Variants in EIF4ENIF1 observed in about 807,000 individuals in gnomAD.
EIF4ENIF1 encodes the protein eukaryotic translation initiation factor 4E nuclear import factor 1.
EIF4ENIF1 carries 23 observed loss-of-function variants against 110.5 expected under a neutral mutation model. The observed-to-expected ratio is 0.21, with a 90% confidence interval of 0.15 to 0.29. EIF4ENIF1 has a LOEUF of 0.29. Among genes scored for constraint, EIF4ENIF1 ranks in the 10% least tolerant of loss-of-function variants. EIF4ENIF1 has a pLI of 1.00. For missense variants in EIF4ENIF1, 1,031 were observed against 1,221.1 expected, an observed-to-expected ratio of 0.84 and a Z score of 2.32; for synonymous variants, 440 against 437.0, an observed-to-expected ratio of 1.01 and a Z score of -0.09.
chr22:31,463,651 TA>T (rs71319194), intron 5 of EIF4ENIF1, 29 bp downstream of exon 5: 227,076 of 1,284,774 alleles, frequency 0.18, 8 homozygotes, highest in East Asian at 0.21. Flanking sequence ...CGTCTCAATT[TA>T]AAAAAAAAAA....
intron 10 of EIF4ENIF1, chr22:31,450,843 C>CACA (rs1569073447): frequency 0.012 from 1,170 of 96,794 alleles, 6 homozygotes; most frequent in African/African-American, 0.021. Flanking sequence ...TATATATATA[C>CACA]TACACACACA....
chr22:31,473,189 G>A (rs2051449482), intron 2 of EIF4ENIF1, among the ~76,000 whole-genome samples: 1 of 151,678 alleles, frequency 6.6e-6, no homozygotes, highest in Non-Finnish European at 1.5e-5. Context: ...AGCTCCATGA[G>A]AGAATTTAGC....
At position 31,455,412 on chromosome 22, in the gene EIF4ENIF1, T is replaced by A. The variant is rs1233630579; in HGVS notation, c.1100-97A>T. 4 of 1,068,606 alleles carry A rather than the reference T, an allele frequency of 3.7e-6. No homozygotes were observed. In the East Asian group the frequency reaches 1.3e-4, roughly 34 times the overall value. 66.2% of individuals were successfully genotyped at this position (1,068,606 alleles called of 1,614,324 possible). A position where few individuals can be genotyped will look rare whatever the true frequency, so the allele number is the denominator to read the frequency against. On this transcript the variant is annotated intron_variant, in intron 8 of 18. Coordinates refer to ENST00000330125, the MANE Select transcript of EIF4ENIF1 (RefSeq NM_019843.4). ...CTTTCTTTCTTTTTTTTTTTTTTTT[T>A]CTTTGAGATGGAGTTTCGCTTTTTC...
intron 1 of EIF4ENIF1, chr22:31,489,297 T>G (rs2052168215): frequency 6.5e-6 from 1 of 152,848 alleles, no homozygotes; most frequent in African/African-American, 2.4e-5. Context: ...GCTCCGAAAC[T>G]TGGCTTCCCC....
At chr22:31,468,380 C>T (rs534228780) in intron 3 of EIF4ENIF1, 78 bp from the exon 4 acceptor site, 6 of 1,582,632 alleles carry the variant, frequency 3.8e-6, no homozygotes, top group Non-Finnish European at 5.2e-6. Context: ...ACCTCCTCAG[C>T]TAATAGTTAT....
intron 10 of EIF4ENIF1, chr22:31,451,297 CAG>C (rs1291373832): frequency 6.6e-6 from 1 of 152,030 alleles, no homozygotes; most frequent in East Asian, 2.0e-4. Flanking sequence ...TTTTTTGAGA[CAG>C]AGTCTTGCTC....
intron 6 of EIF4ENIF1, among the ~76,000 whole-genome samples, chr22:31,460,411 A>G (rs1026374626): frequency 3.3e-5 from 5 of 152,140 alleles, no homozygotes; most frequent in African/African-American, 1.2e-4. Context: ...AGGCAGGTGG[A>G]TCATGAGGTC....
At chr22:31,459,432 T>C (rs898034031) in intron 6 of EIF4ENIF1, among the ~76,000 whole-genome samples, 1 of 152,202 alleles carries the variant, frequency 6.6e-6, no homozygotes, top group Non-Finnish European at 1.5e-5. Flanking sequence ...AGGTTGGTTG[T>C]TGTAGCTCAT....
In EIF4ENIF1 at chr22:31,444,653, G is replaced by A; in HGVS notation, c.2026C>T (p.Arg676Ter). The A allele has an allele frequency of 6.2e-7, 1 of 1,614,084 alleles. No individual in the cohort carries two copies. The highest frequency in any genetic ancestry group is 8.5e-7 in the Non-Finnish European group (1 of 1,179,984). The change falls in exon 15 of 19, where the codon CGA becomes TGA. Residue 676 changes from arginine to a stop codon, truncating the protein, a stop_gained. Transcript: ENST00000330125. LOFTEE classifies it high-confidence loss of function. ...GGGGCAGGGGAAGAGGAATTCCCTCGATGCACGGGTGCTGGTGACTTGGTC... is the reference window on the plus strand; with the variant it reads ...GGGGCAGGGGAAGAGGAATTCCCTCAATGCACGGGTGCTGGTGACTTGGTC... Reference protein sequence around the residue: ...RVTKSPAPVHRGNSSSPAPAA... With the variant: ...RVTKSPAPVH
At chr22:31,440,246 A>C in intron 18 of EIF4ENIF1, 125 bp from the exon 19 acceptor site, 1 of 1,359,460 alleles carries the variant, frequency 7.4e-7, no homozygotes. Context: ...TTCTTTAGAA[A>C]CTCCTTTGCA....
intron 14 of EIF4ENIF1, among the ~76,000 whole-genome samples, chr22:31,446,695 G>A (rs745682379): frequency 1.3e-5 from 2 of 152,128 alleles, no homozygotes; most frequent in Non-Finnish European, 2.9e-5. Context: ...AGGAAAAGGG[G>A]TATTACTGGC....
At position 31,448,188 on chromosome 22, in the gene EIF4ENIF1, C is replaced by G; in HGVS notation, c.1813G>C (p.Gly605Arg). The G allele has an allele frequency of 6.2e-7, 1 of 1,614,172 alleles. No individual in the cohort carries two copies. Among genetic ancestry groups the G allele is most frequent in the Non-Finnish European group, 8.5e-7 (1 of 1,180,022 alleles). Reference sequence around the variant, plus strand: ...ATGGGGCTCATGGGTTTGCGCATGCCTTGGAATGGATCTCCGAGTAGCTGC... The same window carrying G: ...ATGGGGCTCATGGGTTTGCGCATGCGTTGGAATGGATCTCCGAGTAGCTGC... ...PQQLLGDPFQGMRKPMSPITA... is the reference protein window; with the variant it reads ...PQQLLGDPFQRMRKPMSPITA... The change falls in exon 13 of 19, where the codon GGC becomes CGC. Residue 605 changes from glycine to arginine, a missense_variant. Transcript: ENST00000330125.
Position 31,439,940 on chromosome 22 carries a change from T to A in EIF4ENIF1, c.2898A>T (p.Gln966His). The A allele has an allele frequency of 6.2e-7, 1 of 1,614,094 alleles. No individual in the cohort carries two copies. The highest frequency in any genetic ancestry group is 8.5e-7 in the Non-Finnish European group (1 of 1,180,008). Residue 966 changes from glutamine (Q) to histidine (H), a missense_variant, in exon 19 of 19, where the codon CAA (glutamine) becomes CAT (histidine). Physicochemically the swap from Gln to His is conservative, Grantham distance 24. This residue lies in a region of EIF4ENIF1 where 18 missense variants were observed against 42.3 expected (regional missense o/e 0.43). Coordinates refer to ENST00000330125, the MANE Select transcript of EIF4ENIF1 (RefSeq NM_019843.4). ...CTTTGGCGGGCATGGAGGGCAGGGG[T>A]TGCTGTAGCACATCTGAGCCAAACC... ...AKWFGSDVLQ[Q>H]PLPSMPAKVI...
At chr22:31,486,720 T>C (rs1167709825) in intron 2 of EIF4ENIF1, among the ~76,000 whole-genome samples, 1 of 151,330 alleles carries the variant, frequency 6.6e-6, no homozygotes, top group Admixed American at 6.6e-5. Flanking sequence ...CAGAGGCTAG[T>C]GAATCAAGAT....
chr22:31,486,757 C>T (rs955603508), intron 2 of EIF4ENIF1, among the ~76,000 whole-genome samples: 2 of 151,914 alleles, frequency 1.3e-5, no homozygotes, highest in Non-Finnish European at 2.9e-5. Context: ...GGTGATAGAG[C>T]GAGACTCCGT....
intron 4 of EIF4ENIF1, 89 bp downstream of exon 4, chr22:31,468,086 A>C: frequency 6.5e-7 from 1 of 1,532,732 alleles, no homozygotes; most frequent in Non-Finnish European, 8.8e-7. Context: ...CCCTCAAAGC[A>C]TAAAATTCTC....
intron 10 of EIF4ENIF1, among the ~76,000 whole-genome samples, chr22:31,451,496 G>A (rs1349661381): frequency 6.6e-6 from 1 of 150,732 alleles, no homozygotes; most frequent in African/African-American, 2.4e-5. Context: ...GGATGGTCTC[G>A]ATCTCCTGAC....
Position 31,441,981 on chromosome 22 carries a change from C to G in EIF4ENIF1, c.2344G>C (p.Asp782His). 1 of 1,614,154 alleles carries G rather than the reference C, an allele frequency of 6.2e-7. No homozygotes were observed. The part of the protein sequence containing the change: ...SQANRYTKEQ[D>H]YRPKATGRKT... ...CTCCCAGTTGCTTTAGGTCGATAAT[C>G]TTGTTCTTTGGTGTAACGGTTGGCC... Residue 782 changes from aspartate (D) to histidine (H), a missense_variant, in exon 17 of 19, where the codon GAT (aspartate) becomes CAT (histidine). By Grantham distance (81) the Asp-to-His change is moderately conservative (BLOSUM62 -1). This residue lies in a region of EIF4ENIF1 where 309 missense variants were observed against 299.1 expected (regional missense o/e 1.03). Transcript: ENST00000330125.
rs2050410487 is a variant in EIF4ENIF1 at position 31,444,796 on chromosome 22, C to T, written c.1989-106G>A. On this transcript the variant is annotated intron_variant, in intron 14 of 18. Transcript: ENST00000330125. ...CTAGAAGTTTTAACATCCCCTTTCC[C>T]TTATCCAATTCAATTTCCCAAGCAT... is the stretch of plus-strand genomic sequence containing the variant. 2.9e-6 allele frequency: 3 copies of T among 1,033,218 alleles called. No homozygotes were observed. The African/African-American group carries it at 4.7e-5, about 16-fold the overall frequency. The allele number at this position is 1,033,218 out of a possible 1,614,324, so 64.0% of individuals were successfully genotyped here. A position where few individuals can be genotyped will look rare whatever the true frequency, so the allele number is the denominator to read the frequency against.
Sources: allele counts gnomAD v4.1 joint callset (sites outside exome capture counted in the v4.1 genomes callset), GRCh38; gene constraint gnomAD v4.1.1; regional missense constraint gnomAD v4.1.1; transcripts MANE v1.5; gene names NCBI Gene and HGNC (gene_info 2026-07-23, HGNC 2026-07-21).